Variants in GRM8 observed in about 807,000 individuals in gnomAD.
GRM8 encodes the protein metabotropic glutamate receptor 8.
In GRM8, 47 loss-of-function variants were observed where a neutral mutation model predicts 87.2. That is an observed-to-expected ratio of 0.54 (90% CI 0.43 to 0.69). The LOEUF (loss-of-function observed/expected upper bound fraction) is 0.69. Ranked by LOEUF, GRM8 falls within the 30% of genes least tolerant of loss-of-function variation. The pLI is 0.00. For synonymous variants in GRM8, 396 were observed against 404.5 expected, an observed-to-expected ratio of 0.98 and a Z score of 0.25; for missense variants, 1,019 against 1,139.2, an observed-to-expected ratio of 0.89 and a Z score of 1.52.
chr7:126,532,731 C>G (rs1815009704), intron 9 of GRM8, among the ~76,000 whole-genome samples: 1 of 141,446 alleles, frequency 7.1e-6, no homozygotes, highest in Admixed American at 7.5e-5. Context: ...TTTGTCAACA[C>G]AAATTCAAAG....
intron 8 of GRM8, among the ~76,000 whole-genome samples, chr7:126,557,964 A>G (rs1348586271): frequency 7.4e-6 from 1 of 134,820 alleles, no homozygotes; most frequent in Non-Finnish European, 1.7e-5. Flanking sequence ...AAATCAGAAG[A>G]GAATAATTTT....
chr7:127,233,197 G>C (rs950281960), intron 2 of GRM8, among the ~76,000 whole-genome samples: 1 of 152,152 alleles, frequency 6.6e-6, no homozygotes, highest in Admixed American at 6.5e-5. Flanking sequence ...AGGTAACACA[G>C]TTAACAAGCA....
At chr7:126,629,918 G>C (rs1313943024) in intron 7 of GRM8, among the ~76,000 whole-genome samples, 1 of 152,004 alleles carries the variant, frequency 6.6e-6, no homozygotes, top group Non-Finnish European at 1.5e-5. Flanking sequence ...TTCAGAAGCT[G>C]GCCTATCAAA....
intron 7 of GRM8, among the ~76,000 whole-genome samples, chr7:126,730,096 G>A (rs2151479909): frequency 6.6e-6 from 1 of 152,278 alleles, no homozygotes. Flanking sequence ...GAATAAAGAA[G>A]TAATGTAAGA....
chr7:126,674,713 G>T (rs761942011), intron 7 of GRM8, among the ~76,000 whole-genome samples: 1 of 152,086 alleles, frequency 6.6e-6, no homozygotes, highest in African/African-American at 2.4e-5. Flanking sequence ...AAGCAACCAT[G>T]GCAACAAGGC....
At chr7:127,035,882 A>T (rs1817798591) in intron 3 of GRM8, among the ~76,000 whole-genome samples, 1 of 152,048 alleles carries the variant, frequency 6.6e-6, no homozygotes, top group Non-Finnish European at 1.5e-5. Context: ...CCCTCTTCTA[A>T]TTCCACATGT....
intron 2 of GRM8, among the ~76,000 whole-genome samples, chr7:127,148,267 T>C (rs1456714050): frequency 6.6e-6 from 1 of 151,866 alleles, no homozygotes; most frequent in East Asian, 1.9e-4. Flanking sequence ...GATCAATTCA[T>C]CAAGAGGACA....
Position 126,871,725 on chromosome 7 carries a change from C to A in GRM8, c.1156+30817G>T, listed in dbSNP as rs930797709. ...TGTTAAAGAGCCTGCCAATATATGA[C>A]CAAAGTAGAGTTTGTAAACTATTTT... On this transcript the variant is annotated intron_variant, in intron 6 of 10. Transcript: ENST00000339582. Among the ~76,000 whole-genome samples, 9 of 152,190 alleles carry A rather than the reference C, an allele frequency of 5.9e-5. No individual in the cohort carries two copies. In the East Asian group the frequency reaches 1.7e-3, roughly 29 times the overall value.
At chr7:126,448,982 C>G (rs1308542474) in intron 9 of GRM8, among the ~76,000 whole-genome samples, 1 of 151,750 alleles carries the variant, frequency 6.6e-6, no homozygotes, top group East Asian at 2.0e-4. Context: ...CAACAAACCC[C>G]CATGGCACAA....
chr7:126,623,021 C>G (rs1563024877), intron 7 of GRM8, among the ~76,000 whole-genome samples: 3 of 152,296 alleles, frequency 2.0e-5, no homozygotes, highest in Non-Finnish European at 2.9e-5. Flanking sequence ...GTTCTTCAGA[C>G]AGTCATCTCC....
At chr7:126,967,891 C>A (rs1176996082) in intron 3 of GRM8, among the ~76,000 whole-genome samples, 8 of 152,118 alleles carry the variant, frequency 5.3e-5, no homozygotes, top group Admixed American at 4.6e-4. Context: ...CATAATGAAG[C>A]AAAAGTAGGT....
At chr7:126,531,431 A>G (rs1424309141) in intron 9 of GRM8, among the ~76,000 whole-genome samples, 1 of 152,248 alleles carries the variant, frequency 6.6e-6, no homozygotes, top group Non-Finnish European at 1.5e-5. Context: ...ACACTCAATC[A>G]TATCTGCATA....
intron 3 of GRM8, among the ~76,000 whole-genome samples, chr7:126,914,054 G>A (rs556461822): frequency 1.1e-3 from 175 of 152,282 alleles, no homozygotes; most frequent in African/African-American, 4.0e-3. Context: ...TGGTACAGAA[G>A]AGGCATGTGC....
At chr7:126,487,118 A>G (rs932697724) in intron 9 of GRM8, among the ~76,000 whole-genome samples, 2 of 152,114 alleles carry the variant, frequency 1.3e-5, no homozygotes, top group African/African-American at 2.4e-5. Flanking sequence ...TTTTCAAAGC[A>G]AAGTGTTATT....
At chr7:127,032,669 T>C (rs1817490003) in intron 3 of GRM8, among the ~76,000 whole-genome samples, 1 of 152,046 alleles carries the variant, frequency 6.6e-6, no homozygotes, top group Non-Finnish European at 1.5e-5. Context: ...ACAGGGGAAA[T>C]TTAAGAAAAT....
chr7:126,875,738 C>T (rs1342253428), intron 6 of GRM8, among the ~76,000 whole-genome samples: 2 of 151,942 alleles, frequency 1.3e-5, no homozygotes, highest in Non-Finnish European at 2.9e-5. Flanking sequence ...TTAGGTCAGA[C>T]ACCATCACTT....
intron 6 of GRM8, among the ~76,000 whole-genome samples, chr7:126,872,724 T>A (rs974502739): frequency 6.6e-6 from 1 of 152,106 alleles, no homozygotes; most frequent in Non-Finnish European, 1.5e-5. Context: ...CAAAACCAGA[T>A]ACTCTCAGCA....
chr7:126,942,926 T>C (rs555822160), intron 3 of GRM8, among the ~76,000 whole-genome samples: 1 of 152,268 alleles, frequency 6.6e-6, no homozygotes, highest in East Asian at 1.9e-4. Flanking sequence ...AAAAGGATCC[T>C]GATACTGATA....
At chr7:126,594,674 AGAT>A (rs1436888979) in intron 8 of GRM8, among the ~76,000 whole-genome samples, 1 of 152,166 alleles carries the variant, frequency 6.6e-6, no homozygotes, top group East Asian at 1.9e-4. Flanking sequence ...TAGTGACTAT[AGAT>A]AATAATATAT....
Sources: allele counts gnomAD v4.1 joint callset (sites outside exome capture counted in the v4.1 genomes callset), GRCh38; gene constraint gnomAD v4.1.1; transcripts MANE v1.5; gene names NCBI Gene and HGNC (gene_info 2026-07-23, HGNC 2026-07-21).